Variants in IGSF10 observed in about 807,000 individuals in gnomAD.
IGSF10 encodes the protein calvaria mechanical force protein 608.
Under a neutral mutation model 128.2 loss-of-function variants are expected in IGSF10, and 126 were observed. That is an observed-to-expected ratio of 0.98 (90% confidence interval 0.85 to 1.14). The LOEUF is 1.14. IGSF10 is among the 50% of genes most tolerant of loss of function. IGSF10 has a pLI of 0.00. For synonymous variants in IGSF10, 1,185 were observed against 1,146.2 expected, an observed-to-expected ratio of 1.03 and a Z score of -0.68; for missense variants, 3,295 against 3,149.8, an observed-to-expected ratio of 1.05 and a Z score of -1.10.
rs1461301285 is a variant in IGSF10, at chr3:151,446,275, G to A, written c.3706C>T (p.Pro1236Ser). 6.2e-7 allele frequency: 1 copy of A among 1,614,054 alleles called. No homozygotes were observed. Among genetic ancestry groups the A allele is most frequent in the Non-Finnish European group, 8.5e-7 (1 of 1,179,900 alleles). Residue 1236 changes from proline to serine, a missense_variant, in exon 6 of 8, where the codon CCT becomes TCT. Pro to Ser is a moderately conservative substitution (Grantham distance 74). Transcript: ENST00000282466. ...SLQKSTAVML[P>S]KTSPALPRDK... The stretch of plus-strand genomic sequence containing the variant: ...CTGGGTAAAGCAGGAGATGTTTTAG[G>A]AAGCATCACAGCTGTGCTTTTTTGT...
the IGSF10 span, among the ~76,000 whole-genome samples, chr3:151,533,356 C>A: frequency 6.6e-6 from 1 of 152,146 alleles, no homozygotes; most frequent in Non-Finnish European, 1.5e-5. Flanking sequence ...ATAGCCAAGA[C>A]AATCTAAGCT....
chr3:151,455,448 A>G (rs974829108), intron 4 of IGSF10, among the ~76,000 whole-genome samples: 2 of 130,474 alleles, frequency 1.5e-5, no homozygotes, highest in African/African-American at 5.9e-5. Context: ...GCACCTTAAA[A>G]TAAAAACTAA....
At chr3:151,549,931 A>G in the IGSF10 span, among the ~76,000 whole-genome samples, 6 of 152,252 alleles carry the variant, frequency 3.9e-5, no homozygotes, top group East Asian at 1.2e-3. Context: ...GAAATTAATA[A>G]CAGCCTCTGA....
the IGSF10 span, among the ~76,000 whole-genome samples, chr3:151,597,022 GTAAA>G: frequency 6.6e-6 from 1 of 151,150 alleles, no homozygotes; most frequent in Non-Finnish European, 1.5e-5. Context: ...TTTTTTTTCA[GTAAA>G]TAAATAGATT....
the IGSF10 span, among the ~76,000 whole-genome samples, chr3:151,500,512 A>G: frequency 6.6e-6 from 1 of 152,304 alleles, no homozygotes; most frequent in East Asian, 1.9e-4. Context: ...TGGCTCAATA[A>G]TAGAACGGGG....
the IGSF10 span, among the ~76,000 whole-genome samples, chr3:151,503,218 T>A: frequency 6.6e-6 from 1 of 151,968 alleles, no homozygotes; most frequent in Non-Finnish European, 1.5e-5. Context: ...TCAAGTACAA[T>A]GACCAGTATA....
At chr3:151,462,681 A>G (rs1046566450), upstream of IGSF10, among the ~76,000 whole-genome samples, 1 of 152,214 alleles carries the variant, frequency 6.6e-6, no homozygotes, top group Non-Finnish European at 1.5e-5. Context: ...TTAGCTAAAC[A>G]TGGATAATGT....
At position 151,437,544 on chromosome 3, in the gene IGSF10, A is replaced by G. The variant is rs1181161636; in HGVS notation, c.7017T>C (p.Phe2339=). The part of the protein sequence containing the change: ...EVLEMLRRPT[F]RNPFNEKIVA... ...CTATTTTTTCATTAAATGGATTTCT[A>G]AATGTCGGTCTTCTCAGCATTTCCA... Residue 2339 remains phenylalanine (F), a synonymous_variant, in exon 8 of 8, where the codon TTT becomes TTC. Coordinates refer to ENST00000282466, the MANE Select transcript of IGSF10 (RefSeq NM_178822.5). 6.2e-7 allele frequency: 1 copy of G among 1,614,144 alleles called. No individual in the cohort carries two copies. The highest frequency in any genetic ancestry group is 8.5e-7 in the Non-Finnish European group (1 of 1,180,030).
chr3:151,493,551 T>C, the IGSF10 span, among the ~76,000 whole-genome samples: 1 of 152,172 alleles, frequency 6.6e-6, no homozygotes, highest in Admixed American at 6.5e-5. Flanking sequence ...TTGCCTGCAG[T>C]ATTCAGTACA....
chr3:151,438,084 A>C lies in IGSF10; in HGVS notation c.6477T>G (p.Ala2159=), dbSNP rs769055144. Reference sequence around the variant, plus strand: ...CCCCAGTGACCTCACAGTCAAGGACAGCTGTGTCTCCAGCTTTGATTCTCT... The same window carrying C: ...CCCCAGTGACCTCACAGTCAAGGACCGCTGTGTCTCCAGCTTTGATTCTCT... ...TNKRIKAGDT[A]VLDCEVTGDP... The change falls in exon 8 of 8, where the codon GCT becomes GCG. Residue 2159 remains alanine (A), a synonymous_variant. Coordinates refer to ENST00000282466, the MANE Select transcript of IGSF10 (RefSeq NM_178822.5). 1.9e-6 allele frequency: 3 copies of C among 1,614,236 alleles called. No homozygotes were observed. Among genetic ancestry groups the C allele is most frequent in the African/African-American group, 2.7e-5 (2 of 75,062 alleles).
the IGSF10 span, among the ~76,000 whole-genome samples, chr3:151,564,146 G>A: frequency 6.6e-6 from 1 of 152,148 alleles, no homozygotes; most frequent in East Asian, 1.9e-4. Context: ...GGCTTTAGGA[G>A]TAAAACATAA....
the IGSF10 span, among the ~76,000 whole-genome samples, chr3:151,525,219 T>C: frequency 6.6e-6 from 1 of 151,938 alleles, no homozygotes; most frequent in Admixed American, 6.6e-5. Flanking sequence ...CACAAAACTA[T>C]TTAGATTTTA....
chr3:151,614,762 G>GTA, the IGSF10 span, among the ~76,000 whole-genome samples: 14 of 151,888 alleles, frequency 9.2e-5, no homozygotes, highest in African/African-American at 3.4e-4. Flanking sequence ...CATGGCACAT[G>GTA]TATATATATG....
At chr3:151,561,334 G>A in the IGSF10 span, among the ~76,000 whole-genome samples, 1 of 152,144 alleles carries the variant, frequency 6.6e-6, no homozygotes, top group East Asian at 1.9e-4. Flanking sequence ...TTCTCTAAAT[G>A]AGAACTTAGT....
the IGSF10 span, among the ~76,000 whole-genome samples, chr3:151,604,270 G>A: frequency 6.6e-6 from 1 of 151,952 alleles, no homozygotes; most frequent in Non-Finnish European, 1.5e-5. Context: ...AGAATGTGCT[G>A]ATGTTTATTG....
chr3:151,565,681 T>G, the IGSF10 span, among the ~76,000 whole-genome samples: 1 of 152,104 alleles, frequency 6.6e-6, no homozygotes, highest in Non-Finnish European at 1.5e-5. Flanking sequence ...TTAGACCTAC[T>G]AAAGCACCTA....
chr3:151,514,366 G>A, the IGSF10 span, among the ~76,000 whole-genome samples: 1 of 152,134 alleles, frequency 6.6e-6, no homozygotes, highest in Non-Finnish European at 1.5e-5. Context: ...ACAAGCAATG[G>A]GGAAAGGATT....
the IGSF10 span, among the ~76,000 whole-genome samples, chr3:151,543,024 C>T: frequency 1.3e-5 from 2 of 152,126 alleles, no homozygotes; most frequent in South Asian, 2.1e-4. Context: ...TGATTCAGCT[C>T]ATTTATAAAA....
chr3:151,478,933 G>A, the IGSF10 span, among the ~76,000 whole-genome samples: 1 of 152,100 alleles, frequency 6.6e-6, no homozygotes, highest in Admixed American at 6.6e-5. Context: ...AATATCAAGG[G>A]TAAGATTCAT....
Sources: allele counts gnomAD v4.1 joint callset (sites outside exome capture counted in the v4.1 genomes callset), GRCh38; gene constraint gnomAD v4.1.1; transcripts MANE v1.5; gene names NCBI Gene and HGNC (gene_info 2026-07-23, HGNC 2026-07-21).